The following DIAPH2 variants were observed in gnomAD, a reference collection of about 807,000 sequenced individuals.
DIAPH2 encodes diaphanous related formin 2, also known as protein diaphanous homolog 2.
In DIAPH2, 35 loss-of-function variants were observed where a neutral mutation model predicts 92.7. The observed-to-expected ratio is 0.38, with a 90% CI of 0.29 to 0.50. DIAPH2 has a LOEUF of 0.50. Among genes scored for constraint, DIAPH2 ranks in the 20% least tolerant of loss-of-function variants. The pLI, the probability that DIAPH2 is intolerant of heterozygous loss-of-function variation, is 0.94. For missense variants in DIAPH2, 701 were observed against 819.5 expected (o/e 0.86, Z 1.77); for synonymous variants, 301 against 280.4 (o/e 1.07, Z -0.73).
At chrX:97,307,970 C>T (rs1303188910) in intron 23 of DIAPH2, among the ~76,000 whole-genome samples, 1 of 108,453 alleles carries the variant, frequency 9.2e-6, no homozygotes, top group African/African-American at 3.3e-5. Context: ...ATTGGCATGA[C>T]TCAACCTTCT....
chrX:97,469,555 A>G (rs1276467847), intron 26 of DIAPH2: 1 of 462,933 alleles, frequency 2.2e-6, no homozygotes, highest in Non-Finnish European at 3.4e-6. Flanking sequence ...TTCTCATTTT[A>G]AGTTACAGTA....
At chrX:97,445,519 G>C (rs1290098174) in intron 26 of DIAPH2, among the ~76,000 whole-genome samples, 1 of 110,596 alleles carries the variant, frequency 9.0e-6, no homozygotes, top group East Asian at 2.8e-4. Context: ...CAGGATTCAA[G>C]AGATTCTCGT....
At chrX:97,143,700 A>G (rs1394623581) in intron 22 of DIAPH2, among the ~76,000 whole-genome samples, 2 of 111,287 alleles carry the variant, frequency 1.8e-5, no homozygotes, top group Non-Finnish European at 3.8e-5. Flanking sequence ...CCTGTACCCC[A>G]TGTTTATTGC....
intron 22 of DIAPH2, among the ~76,000 whole-genome samples, chrX:97,236,143 C>T (rs2068046223): frequency 9.0e-6 from 1 of 111,694 alleles, no homozygotes; most frequent in African/African-American, 3.3e-5. Flanking sequence ...ATCTCAACAA[C>T]CTGCATTCAG....
rs977918954 is a variant in DIAPH2, at chrX:97,213,130, A to G, written c.2720-34585A>G. On this transcript the variant is annotated intron_variant, in intron 22 of 26. Transcript: ENST00000324765. ...TTCTCTGTAGAAATTACATCATTAT[A>G]GGGAAAGGAATTGCACTTGTTTTTG... is the stretch of plus-strand genomic sequence containing the variant. Among the ~76,000 whole-genome samples the G allele has an allele frequency of 4.5e-5, 5 of 111,968 alleles. No individual in the cohort carries two copies. In the Admixed American group the frequency reaches 4.8e-4, roughly 11 times the overall value.
In DIAPH2 at chrX:96,965,145, A is replaced by T; in HGVS notation, c.1988A>T (p.Asp663Val). ...TGTTTCTGGTTAAGAGTCAAAGAAG[A>T]CAAGTTTGAGAATCCAGATCTCTTT... ...ENCFWLRVKE[D>V]KFENPDLFAK... The change falls in exon 17 of 27, where the codon GAC becomes GTC. Residue 663 changes from aspartate to valine, a missense_variant. Physicochemically the swap from Asp to Val is radical, Grantham distance 152. Around this residue, in one of 3 missense-constraint regions of DIAPH2, gnomAD observed 536 missense variants for 599.3 expected, o/e 0.89. Coordinates refer to ENST00000324765, the MANE Select transcript of DIAPH2 (RefSeq NM_006729.5). The T allele has an allele frequency of 8.3e-7, 1 of 1,198,257 alleles. No individual in the cohort carries two copies. The highest frequency in any genetic ancestry group is 1.1e-6 in the Non-Finnish European group (1 of 888,454).
chrX:97,219,367 A>G (rs750509868), intron 22 of DIAPH2, among the ~76,000 whole-genome samples: 8 of 112,020 alleles, frequency 7.1e-5, no homozygotes, highest in African/African-American at 1.9e-4. Flanking sequence ...TCTTATAGGG[A>G]TAATATGGGC....
At chrX:97,019,802 G>T (rs1602721060) in intron 17 of DIAPH2, among the ~76,000 whole-genome samples, 1 of 111,211 alleles carries the variant, frequency 9.0e-6, no homozygotes, top group Admixed American at 9.6e-5. Flanking sequence ...GCCATTCCTA[G>T]TATTAATGAT....
chrX:97,098,107 C>G, intron 19 of DIAPH2, among the ~76,000 whole-genome samples: 1 of 111,438 alleles, frequency 9.0e-6, no homozygotes, highest in Non-Finnish European at 1.9e-5. Flanking sequence ...ATGGGGAGAA[C>G]AAAAGGGTAC....
chrX:96,870,268 A>T (rs1049471521), intron 4 of DIAPH2, among the ~76,000 whole-genome samples: 2 of 108,907 alleles, frequency 1.8e-5, no homozygotes, highest in African/African-American at 3.3e-5. Context: ...TTATTTATTT[A>T]TTTTTTTTCT....
chrX:96,853,887 C>T (rs559815401), intron 4 of DIAPH2, among the ~76,000 whole-genome samples: 1 of 111,804 alleles, frequency 8.9e-6, no homozygotes, highest in South Asian at 3.7e-4. Context: ...ACATATGATA[C>T]TGTGCATACG....
At chrX:96,962,272 T>TAC (rs376089704) in intron 16 of DIAPH2, among the ~76,000 whole-genome samples, 32 of 81,675 alleles carry the variant, frequency 3.9e-4, no homozygotes, top group Non-Finnish European at 6.3e-4. Context: ...TATATATATA[T>TAC]ACATATATAT....
chrX:97,575,013 T>C (rs2071392289), intron 26 of DIAPH2, among the ~76,000 whole-genome samples: 1 of 112,359 alleles, frequency 8.9e-6, no homozygotes, highest in African/African-American at 3.2e-5. Context: ...GGGGTTAGAA[T>C]TGACTGAACT....
intron 19 of DIAPH2, among the ~76,000 whole-genome samples, chrX:97,076,131 A>G (rs1289276407): frequency 8.9e-6 from 1 of 112,312 alleles, no homozygotes; most frequent in African/African-American, 3.2e-5. Flanking sequence ...TGAAAGGAAT[A>G]ACTGTAAAGA....
intron 19 of DIAPH2, among the ~76,000 whole-genome samples, chrX:97,096,017 T>G (rs151250399): frequency 2.7e-5 from 3 of 111,909 alleles, no homozygotes; most frequent in African/African-American, 9.8e-5. Flanking sequence ...AAAAAAAATA[T>G]GCACAGTAGT....
At chrX:97,374,070 A>T (rs1270037636) in intron 24 of DIAPH2, among the ~76,000 whole-genome samples, 1 of 109,499 alleles carries the variant, frequency 9.1e-6, no homozygotes, top group Non-Finnish European at 1.9e-5. Flanking sequence ...TTTTTTTTTC[A>T]ACTATGAGTA....
chrX:97,213,116 A>T (rs949204093), intron 22 of DIAPH2, among the ~76,000 whole-genome samples: 2 of 111,834 alleles, frequency 1.8e-5, no homozygotes, highest in Non-Finnish European at 3.8e-5. Context: ...TCTCTGTAGA[A>T]ATTACATCAT....
intron 17 of DIAPH2, among the ~76,000 whole-genome samples, chrX:97,008,991 G>A (rs1183662682): frequency 9.0e-6 from 1 of 111,326 alleles, no homozygotes; most frequent in Non-Finnish European, 1.9e-5. Flanking sequence ...AGCCAGCCAG[G>A]GTTGTCTTCT....
intron 23 of DIAPH2, among the ~76,000 whole-genome samples, chrX:97,311,326 C>T (rs1053438445): frequency 8.9e-6 from 1 of 111,748 alleles, no homozygotes; most frequent in Non-Finnish European, 1.9e-5. Context: ...GTGGGTTCAC[C>T]TTGCCAGCTA....
Sources: allele counts gnomAD v4.1 joint callset (sites outside exome capture counted in the v4.1 genomes callset), GRCh38; gene constraint gnomAD v4.1.1; regional missense constraint gnomAD v4.1.1; transcripts MANE v1.5; gene names NCBI Gene and HGNC (gene_info 2026-07-23, HGNC 2026-07-21).